The following ENOX2 variants were observed in gnomAD, a reference collection of about 807,000 sequenced individuals.
ENOX2 encodes ecto-NOX disulfide-thiol exchanger 2.
A neutral mutation model predicts 45.0 loss-of-function variants in ENOX2; 36 were observed. The observed-to-expected ratio is 0.80, with a 90% CI of 0.61 to 1.06. The LOEUF (loss-of-function observed/expected upper bound fraction) is 1.06. Among genes scored for constraint, ENOX2 ranks in the 50% least tolerant of loss-of-function variants. The pLI, the probability that ENOX2 is intolerant of heterozygous loss-of-function variation, is 0.00. For synonymous variants in ENOX2, 174 were observed against 152.3 expected (o/e 1.14, Z -1.05); for missense variants, 423 against 462.5 (o/e 0.91, Z 0.78).
At chrX:130,780,416 C>T (rs948757304) in intron 3 of ENOX2, among the ~76,000 whole-genome samples, 1 of 111,790 alleles carries the variant, frequency 8.9e-6, no homozygotes, top group Non-Finnish European at 1.9e-5. Flanking sequence ...AAACCACTTG[C>T]TAGACATTCA....
At chrX:130,861,033 G>A (rs1217471830) in intron 2 of ENOX2, among the ~76,000 whole-genome samples, 1 of 111,397 alleles carries the variant, frequency 9.0e-6, no homozygotes, top group Non-Finnish European at 1.9e-5. Flanking sequence ...CATCATCAGA[G>A]AAATGCAAAT....
intron 2 of ENOX2, among the ~76,000 whole-genome samples, chrX:130,827,995 T>C (rs982048206): frequency 2.5e-4 from 28 of 112,230 alleles, no homozygotes; most frequent in African/African-American, 9.0e-4. Flanking sequence ...ACAGATATTA[T>C]CATTGTCATT....
At position 130,731,142 on chromosome X, in the gene ENOX2, A is replaced by G. The variant is rs973232923; in HGVS notation, c.-38-27888T>C. On this transcript the variant is annotated intron_variant, in intron 3 of 14. Transcript: ENST00000394363. ...TTTGATTATCAGATTCCCCCTATCA[A>G]TGAGCAAGGTACTTAATCTCTCTGA... Among the ~76,000 whole-genome samples, 6 of 111,634 alleles carry G rather than the reference A, an allele frequency of 5.4e-5. No homozygotes were observed. In the Admixed American group the frequency reaches 5.7e-4, roughly 11 times the overall value.
At chrX:130,794,442 T>A (rs1425095903) in intron 2 of ENOX2, among the ~76,000 whole-genome samples, 1 of 112,602 alleles carries the variant, frequency 8.9e-6, no homozygotes, top group African/African-American at 3.2e-5. Flanking sequence ...TCACTGGTTT[T>A]GAAAACTAGC....
At chrX:130,821,096 A>T (rs181014867) in intron 2 of ENOX2, among the ~76,000 whole-genome samples, 45 of 111,949 alleles carry the variant, frequency 4.0e-4, no homozygotes, top group Admixed American at 2.2e-3. Flanking sequence ...TAAAAATAAA[A>T]TTTTTTTTAA....
chrX:130,733,400 A>G (rs1213129738), intron 3 of ENOX2, among the ~76,000 whole-genome samples: 1 of 110,667 alleles, frequency 9.0e-6, no homozygotes, highest in Non-Finnish European at 1.9e-5. Flanking sequence ...AGGATTCTGG[A>G]AAAGTTTGGC....
At chrX:130,724,973 C>G (rs977396489) in intron 3 of ENOX2, among the ~76,000 whole-genome samples, 4 of 111,293 alleles carry the variant, frequency 3.6e-5, no homozygotes, top group Non-Finnish European at 5.7e-5. Context: ...AAGAGACCTA[C>G]TTTTCACCAG....
intron 2 of ENOX2, among the ~76,000 whole-genome samples, chrX:130,888,554 G>C (rs541027123): frequency 8.9e-6 from 1 of 111,925 alleles, no homozygotes; most frequent in South Asian, 3.8e-4. Context: ...CAGCTAATGA[G>C]ATAATAGGTA....
chrX:130,730,471 A>G (rs182610428), intron 3 of ENOX2, among the ~76,000 whole-genome samples: 236 of 112,439 alleles, frequency 2.1e-3, no homozygotes, highest in African/African-American at 6.8e-3. Flanking sequence ...GGTCTGGCAC[A>G]TAAAGAACTG....
intron 2 of ENOX2, among the ~76,000 whole-genome samples, chrX:130,788,641 CA>C (rs1245173720): frequency 8.9e-6 from 1 of 112,082 alleles, no homozygotes; most frequent in Non-Finnish European, 1.9e-5. Flanking sequence ...GTAAGAAAAA[CA>C]AATGACAGAG....
intron 10 of ENOX2, among the ~76,000 whole-genome samples, chrX:130,642,818 A>T (rs1196927543): frequency 8.9e-6 from 1 of 112,436 alleles, no homozygotes; most frequent in Non-Finnish European, 1.9e-5. Context: ...AGGTATGTAA[A>T]TTGTTTTTTA....
intron 13 of ENOX2, among the ~76,000 whole-genome samples, chrX:130,630,091 A>G (rs1274567177): frequency 9.0e-6 from 1 of 111,091 alleles, no homozygotes; most frequent in Non-Finnish European, 1.9e-5. Context: ...GGTGGGGTCA[A>G]GATGGGAAGC....
chrX:130,750,811 T>C (rs575861520), intron 3 of ENOX2, among the ~76,000 whole-genome samples: 2 of 111,764 alleles, frequency 1.8e-5, no homozygotes, highest in East Asian at 5.7e-4. Context: ...TGCTGCTCTG[T>C]GCTTCTTGCC....
intron 2 of ENOX2, among the ~76,000 whole-genome samples, chrX:130,801,331 T>C (rs1050438188): frequency 2.7e-5 from 3 of 112,020 alleles, no homozygotes; most frequent in Non-Finnish European, 3.8e-5. Flanking sequence ...TCAGAGAAGC[T>C]TCTGTATTTC....
At chrX:130,709,637 C>CA (rs60183563) in intron 3 of ENOX2, among the ~76,000 whole-genome samples, 3,540 of 29,713 alleles carry the variant, frequency 0.12, 152 homozygotes, top group African/African-American at 0.13. Flanking sequence ...GACTCTGTCT[C>CA]AAAAAAAAAA....
chrX:130,738,562 T>G (rs993098572), intron 3 of ENOX2, among the ~76,000 whole-genome samples: 1 of 112,047 alleles, frequency 8.9e-6, no homozygotes, highest in Non-Finnish European at 1.9e-5. Context: ...TTGGACTTGA[T>G]AATCTCTAAG....
At chrX:130,735,537 A>G (rs868681631) in intron 3 of ENOX2, among the ~76,000 whole-genome samples, 1 of 112,277 alleles carries the variant, frequency 8.9e-6, no homozygotes, top group Non-Finnish European at 1.9e-5. Flanking sequence ...GCCATTTATG[A>G]AAATATCTGT....
At chrX:130,683,550 C>T (rs770854042) in intron 5 of ENOX2, among the ~76,000 whole-genome samples, 52 of 111,574 alleles carry the variant, frequency 4.7e-4, no homozygotes, top group Non-Finnish European at 5.3e-4. Context: ...TTCCTGGAGA[C>T]GGATAGCAGA....
intron 2 of ENOX2, among the ~76,000 whole-genome samples, chrX:130,876,315 T>C (rs184281675): frequency 8.9e-6 from 1 of 111,950 alleles, no homozygotes; most frequent in African/African-American, 3.2e-5. Context: ...AACCTTGAAA[T>C]CATTATGCTA....
Sources: allele counts gnomAD v4.1 joint callset (sites outside exome capture counted in the v4.1 genomes callset), GRCh38; gene constraint gnomAD v4.1.1; transcripts MANE v1.5; gene names NCBI Gene and HGNC (gene_info 2026-07-23, HGNC 2026-07-21).